Variants in CLEC12A observed in about 807,000 individuals in gnomAD.
CLEC12A encodes C-type lectin protein CLL-1.
Under a neutral mutation model 26.5 loss-of-function variants are expected in CLEC12A, and 22 were observed. The observed-to-expected ratio is 0.83, with a 90% CI of 0.59 to 1.19. The LOEUF is 1.19. CLEC12A is among the 50% of genes most tolerant of loss of function. The probability of loss-of-function intolerance (pLI) is 0.00; values close to 1 mark genes in which losing one functional copy is unlikely to be tolerated. For synonymous variants in CLEC12A, 119 were observed against 101.9 expected (o/e 1.17, Z -1.01); for missense variants, 353 against 315.6 (o/e 1.12, Z -0.90).
intron 1 of CLEC12A, among the ~76,000 whole-genome samples, chr12:9,952,331 A>T (rs868388290): frequency 4.0e-5 from 6 of 150,394 alleles, no homozygotes; most frequent in African/African-American, 1.5e-4. Context: ...GATTGCAGGC[A>T]CGCACCACCA....
chr12:9,975,537 CA>C (rs1698934590), intron 1 of CLEC12A, among the ~76,000 whole-genome samples: 1 of 152,062 alleles, frequency 6.6e-6, no homozygotes. Flanking sequence ...TTCTAAGCAG[CA>C]AAGCATTAAA....
downstream of CLEC12A, among the ~76,000 whole-genome samples, chr12:9,987,521 C>T (rs1864794761): frequency 6.6e-6 from 1 of 152,146 alleles, no homozygotes; most frequent in African/African-American, 2.4e-5. Context: ...ACTTTGTGGG[C>T]TGAGGCAATT....
intron 1 of CLEC12A, among the ~76,000 whole-genome samples, chr12:9,961,810 G>T (rs1591812658): frequency 6.6e-6 from 1 of 152,104 alleles, no homozygotes; most frequent in African/African-American, 2.4e-5. Flanking sequence ...CCTACATATG[G>T]TTCAGAAAAT....
chr12:9,981,452 A>G (rs984602341), intron 4 of CLEC12A, among the ~76,000 whole-genome samples: 2 of 152,186 alleles, frequency 1.3e-5, no homozygotes, highest in Non-Finnish European at 2.9e-5. Context: ...ATCATCCTTT[A>G]TAGAAGAGAG....
chr12:9,973,658 T>G (rs1407379342), intron 1 of CLEC12A, among the ~76,000 whole-genome samples: 1 of 152,186 alleles, frequency 6.6e-6, no homozygotes, highest in Non-Finnish European at 1.5e-5. Flanking sequence ...TTGTTGTTAT[T>G]TAAATGTCTA....
chr12:9,955,150 G>A (rs185817504), intron 1 of CLEC12A, among the ~76,000 whole-genome samples: 2 of 152,198 alleles, frequency 1.3e-5, no homozygotes, highest in African/African-American at 4.8e-5. Flanking sequence ...GCAGTGGCCC[G>A]ATCTCGGCTC....
downstream of CLEC12A, among the ~76,000 whole-genome samples, chr12:9,989,357 G>T (rs1864843177): frequency 1.7e-5 from 1 of 59,324 alleles, no homozygotes. Flanking sequence ...AAAACTTAAA[G>T]TATAATAATA....
Position 9,978,950 on chromosome 12 carries a change from A to G in CLEC12A, c.92-16A>G. ...ATACCATTTTTAGGCCTCTCTGTTA[A>G]TTTTGCTTTCCACAGCACCTCCAGC... On this transcript the variant is annotated splice_polypyrimidine_tract_variant and intron_variant, in intron 1 of 5. Coordinates refer to ENST00000304361, the MANE Select transcript of CLEC12A (RefSeq NM_138337.6). The G allele has an allele frequency of 6.3e-7, 1 of 1,599,242 alleles. No homozygotes were observed. The highest frequency in any genetic ancestry group is 8.6e-7 in the Non-Finnish European group (1 of 1,166,830).
intron 1 of CLEC12A, among the ~76,000 whole-genome samples, chr12:9,960,738 TG>T (rs1360120186): frequency 6.6e-6 from 1 of 152,234 alleles, no homozygotes; most frequent in East Asian, 1.9e-4. Context: ...GGACCCTGTC[TG>T]GTCTTAAAAC....
At chr12:9,956,595 A>T (rs112388858) in intron 1 of CLEC12A, among the ~76,000 whole-genome samples, 11 of 152,332 alleles carry the variant, frequency 7.2e-5, no homozygotes, top group African/African-American at 2.6e-4. Flanking sequence ...TTAAAAATCA[A>T]ATCTGAGATT....
chr12:9,975,405 G>A (rs1014929424), intron 1 of CLEC12A, among the ~76,000 whole-genome samples: 22 of 152,124 alleles, frequency 1.4e-4, no homozygotes, highest in African/African-American at 4.6e-4. Flanking sequence ...TGTTGGGAAC[G>A]GGAGCAAAGG....
chr12:9,996,994 T>C, downstream of CLEC12A: 1 of 1,614,026 alleles, frequency 6.2e-7, no homozygotes, highest in Non-Finnish European at 8.5e-7. Flanking sequence ...GCTGCATTTA[T>C]GACCTTCTGG....
upstream of CLEC12A, among the ~76,000 whole-genome samples, chr12:9,969,063 C>G (rs1249974571): frequency 1.3e-5 from 2 of 151,986 alleles, no homozygotes; most frequent in Admixed American, 6.6e-5. Flanking sequence ...CTCATGGAAG[C>G]AGAGAGTAGA....
intron 4 of CLEC12A, among the ~76,000 whole-genome samples, chr12:9,994,639 T>C (rs1864986833): frequency 6.6e-6 from 1 of 152,078 alleles, no homozygotes; most frequent in African/African-American, 2.4e-5. Context: ...TGGAATTATC[T>C]TGTGAAATAC....
At chr12:9,994,794 A>G (rs1473352099) in intron 4 of CLEC12A, among the ~76,000 whole-genome samples, 2 of 151,716 alleles carry the variant, frequency 1.3e-5, no homozygotes, top group Admixed American at 1.3e-4. Context: ...GATAATCAGA[A>G]CAAGCAAAAC....
chr12:9,969,708 C>T (rs1591820453), upstream of CLEC12A, among the ~76,000 whole-genome samples: 1 of 152,144 alleles, frequency 6.6e-6, no homozygotes, highest in African/African-American at 2.4e-5. Flanking sequence ...GGTTTCCATC[C>T]TTTCACAAAC....
chr12:9,994,572 C>CA (rs1864984817), intron 4 of CLEC12A, among the ~76,000 whole-genome samples: 1 of 152,054 alleles, frequency 6.6e-6, no homozygotes, highest in African/African-American at 2.4e-5. Flanking sequence ...CCACTCAATG[C>CA]AATCAGTCCC....
chr12:9,956,998 T>C (rs1206225365), intron 1 of CLEC12A, among the ~76,000 whole-genome samples: 1 of 152,074 alleles, frequency 6.6e-6, no homozygotes, highest in African/African-American at 2.4e-5. Flanking sequence ...AAAAGCAAAA[T>C]TTTCAATCCC....
At chr12:9,996,726 C>T (rs781475264), downstream of CLEC12A, 6 of 989,678 alleles carry the variant, frequency 6.1e-6, no homozygotes, top group Non-Finnish European at 6.4e-6. Flanking sequence ...TCACAAGGGT[C>T]TTAGATTAGT....
Sources: allele counts gnomAD v4.1 joint callset (sites outside exome capture counted in the v4.1 genomes callset), GRCh38; gene constraint gnomAD v4.1.1; transcripts MANE v1.5; gene names NCBI Gene and HGNC (gene_info 2026-07-23, HGNC 2026-07-21).